VAT1L: variants seen among roughly 807,000 people sequenced by gnomAD.
The protein encoded by VAT1L is putative NADPH-dependent quinone oxidoreductase VAT1L.
Under a neutral mutation model 44.1 loss-of-function variants are expected in VAT1L, and 34 were observed. The ratio of observed to expected loss-of-function variants is 0.77; its 90% confidence interval spans 0.59 to 1.03. The LOEUF is 1.03. VAT1L is among the 50% of genes least tolerant of loss of function. The probability of loss-of-function intolerance (pLI) is 0.00; values close to 1 mark genes in which losing one functional copy is unlikely to be tolerated. For synonymous variants in VAT1L, 253 were observed against 202.2 expected (o/e 1.25, Z -2.13); for missense variants, 615 against 538.8 (o/e 1.14, Z -1.40).
intron 1 of VAT1L, among the ~76,000 whole-genome samples, chr16:77,802,587 C>T (rs1326703660): frequency 6.6e-6 from 1 of 150,510 alleles, no homozygotes. Flanking sequence ...GCACTCCAGT[C>T]TGGGCAACAG....
chr16:77,825,571 A>G (rs961453633), intron 3 of VAT1L, 110 bp downstream of exon 3: 9 of 1,261,744 alleles, frequency 7.1e-6, no homozygotes, highest in African/African-American at 1.5e-5. Flanking sequence ...AATCATCACT[A>G]TGGTTCTGGT....
intron 7 of VAT1L, among the ~76,000 whole-genome samples, chr16:77,955,865 C>T (rs1220265259): frequency 6.6e-6 from 1 of 152,150 alleles, no homozygotes; most frequent in Admixed American, 6.5e-5. Context: ...TTCCTTCCTT[C>T]TTCGCTCTCC....
chr16:77,896,329 C>G (rs2017324524), intron 7 of VAT1L, among the ~76,000 whole-genome samples: 1 of 152,186 alleles, frequency 6.6e-6, no homozygotes, highest in African/African-American at 2.4e-5. Context: ...TTATCCCAAC[C>G]CTGAGTTAGG....
chr16:77,946,144 T>C (rs759813043), intron 7 of VAT1L, among the ~76,000 whole-genome samples: 6 of 151,972 alleles, frequency 3.9e-5, no homozygotes, highest in South Asian at 2.1e-4. Flanking sequence ...ACAAAAAAAT[T>C]TGTGGACTGC....
intron 7 of VAT1L, among the ~76,000 whole-genome samples, chr16:77,956,997 C>T (rs1597120670): frequency 6.6e-6 from 1 of 152,070 alleles, no homozygotes; most frequent in Non-Finnish European, 1.5e-5. Flanking sequence ...CCTTTTTCTC[C>T]AAGCCTAAGA....
intron 8 of VAT1L, among the ~76,000 whole-genome samples, chr16:77,976,558 A>G (rs980159718): frequency 6.6e-6 from 1 of 152,154 alleles, no homozygotes; most frequent in Non-Finnish European, 1.5e-5. Context: ...CAAGGACTCA[A>G]GTGTGGGAGA....
chr16:77,930,799 C>T (rs1202552648), intron 7 of VAT1L, among the ~76,000 whole-genome samples: 1 of 152,144 alleles, frequency 6.6e-6, no homozygotes, highest in African/African-American at 2.4e-5. Context: ...CTCTCTCCTA[C>T]CCAGTGTGTT....
chr16:77,812,646 A>G (rs571255774), intron 1 of VAT1L, among the ~76,000 whole-genome samples: 2 of 152,350 alleles, frequency 1.3e-5, no homozygotes, highest in South Asian at 4.1e-4. Flanking sequence ...ATGAAAGCAC[A>G]TGGTAAACCA....
chr16:77,957,886 T>C (rs2018121043), intron 7 of VAT1L, among the ~76,000 whole-genome samples: 1 of 151,858 alleles, frequency 6.6e-6, no homozygotes, highest in Non-Finnish European at 1.5e-5. Context: ...ATTCTCTTAC[T>C]AGAGCAATAT....
intron 7 of VAT1L, among the ~76,000 whole-genome samples, chr16:77,929,813 A>G (rs573692105): frequency 6.6e-6 from 1 of 152,326 alleles, no homozygotes; most frequent in South Asian, 2.1e-4. Flanking sequence ...AATAAGTGGA[A>G]GAACTGGTAT....
rs929022317 is a variant in VAT1L at position 77,928,971 on chromosome 16, G to A, written c.1078-42879G>A. 5.9e-4 allele frequency among the ~76,000 whole-genome samples: 90 copies of A among 152,028 alleles called. 1 individual carries two copies. The highest frequency in any genetic ancestry group is 2.2e-3 in the African/African-American group (90 of 41,402). On this transcript the variant is annotated intron_variant, in intron 7 of 8. Coordinates refer to ENST00000302536, the MANE Select transcript of VAT1L (RefSeq NM_020927.3). ...TGGGACTACAGGTGCGCACCACCAT[G>A]CCCCGGTAAAAGTTTTTGTATTTTT... is the stretch of plus-strand genomic sequence containing the variant.
intron 7 of VAT1L, among the ~76,000 whole-genome samples, chr16:77,950,586 T>C (rs915401746): frequency 1.3e-5 from 2 of 152,214 alleles, no homozygotes; most frequent in East Asian, 3.8e-4. Context: ...AGAAATTGTA[T>C]GTTCAGCGTG....
At chr16:77,841,347 T>G (rs957098837) in intron 3 of VAT1L, among the ~76,000 whole-genome samples, 1 of 152,218 alleles carries the variant, frequency 6.6e-6, no homozygotes, top group African/African-American at 2.4e-5. Flanking sequence ...TCTCCCAAAG[T>G]GCTAGGATTA....
chr16:77,928,260 C>T (rs1048650725), intron 7 of VAT1L, among the ~76,000 whole-genome samples: 1 of 152,160 alleles, frequency 6.6e-6, no homozygotes, highest in South Asian at 2.1e-4. Context: ...ACCAGGCTTC[C>T]CTCTAGCAAA....
At chr16:77,882,738 T>C (rs369650042) in intron 6 of VAT1L, among the ~76,000 whole-genome samples, 6 of 152,266 alleles carry the variant, frequency 3.9e-5, no homozygotes, top group Admixed American at 3.9e-4. Context: ...ACACTGTGAA[T>C]CAAGTTATTA....
chr16:77,818,055 T>C (rs574986543), intron 2 of VAT1L, among the ~76,000 whole-genome samples: 1 of 152,172 alleles, frequency 6.6e-6, no homozygotes, highest in South Asian at 2.1e-4. Flanking sequence ...TTAGTACCAC[T>C]AGAACCCGGA....
intron 3 of VAT1L, among the ~76,000 whole-genome samples, chr16:77,849,921 G>A (rs981947041): frequency 2.0e-5 from 3 of 152,186 alleles, no homozygotes; most frequent in African/African-American, 7.2e-5. Flanking sequence ...TGATTTGAGC[G>A]TTTGAGTCAT....
chr16:77,954,169 C>A (rs560704597), intron 7 of VAT1L, among the ~76,000 whole-genome samples: 26 of 152,272 alleles, frequency 1.7e-4, no homozygotes, highest in African/African-American at 5.5e-4. Flanking sequence ...ATGCACTGAG[C>A]AGAAATCAAG....
intron 1 of VAT1L, among the ~76,000 whole-genome samples, chr16:77,793,742 G>T (rs1456986739): frequency 6.6e-6 from 1 of 152,200 alleles, no homozygotes; most frequent in Non-Finnish European, 1.5e-5. Flanking sequence ...AATGGTTCCA[G>T]CCAGTCATGG....
Sources: gnomAD v4.1 joint callset for allele counts (sites outside exome capture counted in the v4.1 genomes callset) on GRCh38, gnomAD v4.1.1 for gene constraint, MANE v1.5 for transcripts, NCBI Gene and HGNC (gene_info 2026-07-23, HGNC 2026-07-21) for gene names.